The following EYS variants were observed in gnomAD, a reference collection of about 807,000 sequenced individuals.
EYS encodes protein eyes shut homolog.
A neutral mutation model predicts 282.1 loss-of-function variants in EYS; 250 were observed. The observed-to-expected ratio is 0.89, with a 90% CI of 0.80 to 0.98. EYS has a LOEUF of 0.98. Among genes scored for constraint, EYS ranks in the 50% least tolerant of loss-of-function variants. The pLI is 0.00. For synonymous variants in EYS, 1,355 were observed against 1,282.9 expected, an observed-to-expected ratio of 1.06 and a Z score of -1.20; for missense variants, 4,016 against 3,709.0, an observed-to-expected ratio of 1.08 and a Z score of -2.15.
At chr6:64,989,855 C>T (rs772891183) in intron 14 of EYS, among the ~76,000 whole-genome samples, 1 of 148,366 alleles carries the variant, frequency 6.7e-6, no homozygotes, top group Non-Finnish European at 1.5e-5. Flanking sequence ...ATAACCAAGA[C>T]AGGTTTATTG....
intron 26 of EYS, among the ~76,000 whole-genome samples, chr6:64,494,226 C>A (rs13211861): frequency 0.3 from 45,366 of 151,350 alleles, 6,856 homozygotes; most frequent in East Asian, 0.47. Context: ...TTCATTTATC[C>A]TCAAACCATT....
chr6:64,647,854 T>C (rs960535125), intron 22 of EYS, among the ~76,000 whole-genome samples: 3 of 152,108 alleles, frequency 2.0e-5, no homozygotes, highest in South Asian at 2.1e-4. Flanking sequence ...TAACCTCCAG[T>C]TGGTGATCAT....
At chr6:65,657,418 A>G (rs1239192648) in intron 1 of EYS, among the ~76,000 whole-genome samples, 2 of 151,906 alleles carry the variant, frequency 1.3e-5, no homozygotes, top group African/African-American at 4.8e-5. Flanking sequence ...AAGTCAACAT[A>G]TCAACAATAC....
chr6:64,937,229 TCTTC>T (rs1768938919), intron 15 of EYS, among the ~76,000 whole-genome samples: 1 of 151,478 alleles, frequency 6.6e-6, no homozygotes, highest in African/African-American at 2.4e-5. Flanking sequence ...ATTATTGTAA[TCTTC>T]AGTTAGACAA....
At chr6:64,692,775 A>G (rs1224249118) in intron 22 of EYS, among the ~76,000 whole-genome samples, 2 of 152,028 alleles carry the variant, frequency 1.3e-5, no homozygotes, top group African/African-American at 2.4e-5. Context: ...GTTTTTGTCT[A>G]CCTCATCGAA....
At chr6:64,604,104 T>C (rs1252745998) in intron 24 of EYS, among the ~76,000 whole-genome samples, 1 of 151,990 alleles carries the variant, frequency 6.6e-6, no homozygotes, top group Non-Finnish European at 1.5e-5. Context: ...TCTGTATCTC[T>C]GTCTCTTTCT....
At chr6:65,255,452 G>A (rs1767435081) in intron 12 of EYS, among the ~76,000 whole-genome samples, 1 of 151,952 alleles carries the variant, frequency 6.6e-6, no homozygotes, top group African/African-American at 2.4e-5. Context: ...CATTGTCTGG[G>A]CAAAGATTTA....
chr6:64,926,965 T>A (rs1036682089), intron 15 of EYS, among the ~76,000 whole-genome samples: 1 of 152,224 alleles, frequency 6.6e-6, no homozygotes, highest in African/African-American at 2.4e-5. Context: ...AGCAGAGTTA[T>A]ATTTTCTCAT....
At chr6:64,611,426 A>G (rs1333404396) in intron 24 of EYS, among the ~76,000 whole-genome samples, 2 of 152,156 alleles carry the variant, frequency 1.3e-5, no homozygotes, top group Non-Finnish European at 1.5e-5. Context: ...TTTTAATATT[A>G]CTACCAAATA....
intron 41 of EYS, among the ~76,000 whole-genome samples, chr6:63,738,669 A>G (rs1314171994): frequency 6.6e-6 from 1 of 151,632 alleles, no homozygotes; most frequent in Non-Finnish European, 1.5e-5. Flanking sequence ...GCACACCAGC[A>G]TGGCACATGT....
intron 12 of EYS, among the ~76,000 whole-genome samples, chr6:65,168,268 A>C (rs1206644684): frequency 1.3e-5 from 2 of 151,328 alleles, no homozygotes; most frequent in East Asian, 3.9e-4. Context: ...GTCCAGTACC[A>C]CCAAAATCTA....
At chr6:64,060,609 A>G (rs897227608) in intron 33 of EYS, among the ~76,000 whole-genome samples, 3 of 152,204 alleles carry the variant, frequency 2.0e-5, no homozygotes, top group Non-Finnish European at 4.4e-5. Flanking sequence ...TTTCTTAAAC[A>G]ACTGTGAGAA....
At chr6:64,258,299 C>G (rs1191276791) in intron 30 of EYS, among the ~76,000 whole-genome samples, 2 of 151,998 alleles carry the variant, frequency 1.3e-5, no homozygotes, top group Admixed American at 1.3e-4. Flanking sequence ...AAATAAACCT[C>G]CTGCAGTAGC....
intron 31 of EYS, among the ~76,000 whole-genome samples, chr6:64,170,413 G>T (rs1764444046): frequency 6.6e-6 from 1 of 151,954 alleles, no homozygotes; most frequent in African/African-American, 2.4e-5. Flanking sequence ...AGTTACTGAG[G>T]CTAGAAGTCT....
intron 2 of EYS, among the ~76,000 whole-genome samples, chr6:65,509,996 G>C (rs180802661): frequency 6.6e-6 from 1 of 151,370 alleles, no homozygotes; most frequent in Non-Finnish European, 1.5e-5. Context: ...TCTTTTTGCT[G>C]GAGAAAATTT....
At chr6:64,089,261 C>T (rs545490463) in intron 31 of EYS, among the ~76,000 whole-genome samples, 1 of 151,068 alleles carries the variant, frequency 6.6e-6, no homozygotes, top group South Asian at 2.1e-4. Context: ...CCATGTATCT[C>T]CTTTCCTGAA....
At chr6:65,197,737 G>C (rs1765804349) in intron 12 of EYS, among the ~76,000 whole-genome samples, 1 of 151,992 alleles carries the variant, frequency 6.6e-6, no homozygotes, top group South Asian at 2.1e-4. Flanking sequence ...TACCTAAACA[G>C]AAAACATACA....
Position 64,675,719 on chromosome 6 carries a change from C to T in EYS, c.3444-49474G>A, listed in dbSNP as rs557933676. Among the ~76,000 whole-genome samples, 4 of 151,986 alleles carry T rather than the reference C, an allele frequency of 2.6e-5. No homozygotes were observed. The East Asian group carries it at 7.8e-4, about 30-fold the overall frequency. On this transcript the variant is annotated intron_variant, in intron 22 of 42. Transcript: ENST00000503581. ...CTGGGATTACAGGCATGAGCCACCACACCTGGCCTGTGATTGGAAACTTTT... is the reference window on the plus strand; with the variant it reads ...CTGGGATTACAGGCATGAGCCACCATACCTGGCCTGTGATTGGAAACTTTT...
At chr6:63,743,751 T>C (rs962126367) in intron 41 of EYS, among the ~76,000 whole-genome samples, 2 of 152,172 alleles carry the variant, frequency 1.3e-5, no homozygotes, top group Non-Finnish European at 2.9e-5. Flanking sequence ...TGGGAGACAT[T>C]GAGTTTAAAG....
Sources: allele counts gnomAD v4.1 joint callset (sites outside exome capture counted in the v4.1 genomes callset), GRCh38; gene constraint gnomAD v4.1.1; transcripts MANE v1.5; gene names NCBI Gene and HGNC (gene_info 2026-07-23, HGNC 2026-07-21).